REDIC1: variants seen among roughly 807,000 people sequenced by gnomAD.
The protein encoded by REDIC1 is regulator of DNA class I crossover intermediates 1.
the REDIC1 span, among the ~76,000 whole-genome samples, chr12:39,749,911 C>T: frequency 9.2e-5 from 14 of 152,138 alleles, no homozygotes; most frequent in South Asian, 2.1e-4. Flanking sequence ...ATTGATGGGA[C>T]GTATCTCAAA....
the REDIC1 span, chr12:39,830,318 C>A: frequency 6.6e-7 from 1 of 1,522,526 alleles, no homozygotes; most frequent in East Asian, 2.3e-5. Context: ...GCATTTTCCA[C>A]TCTCTTGTGC....
At chr12:39,712,025 T>G in the REDIC1 span, among the ~76,000 whole-genome samples, 1 of 20,124 alleles carries the variant, frequency 5.0e-5, no homozygotes, top group African/African-American at 1.1e-4. Flanking sequence ...TGTATGTATA[T>G]ATACATGTAT....
chr12:39,796,962 T>C, the REDIC1 span, among the ~76,000 whole-genome samples: 1 of 152,172 alleles, frequency 6.6e-6, no homozygotes, highest in African/African-American at 2.4e-5. Flanking sequence ...TTGCCAAATA[T>C]CCTATTAGAA....
chr12:39,902,605 G>C, the REDIC1 span, among the ~76,000 whole-genome samples: 9 of 152,102 alleles, frequency 5.9e-5, no homozygotes, highest in South Asian at 1.9e-3. Flanking sequence ...TCACAAAAGT[G>C]AAATCTAGAA....
chr12:39,814,676 T>C, the REDIC1 span, among the ~76,000 whole-genome samples: 1 of 152,206 alleles, frequency 6.6e-6, no homozygotes, highest in African/African-American at 2.4e-5. Flanking sequence ...GGTTATCTCA[T>C]ACAATTACGT....
At chr12:39,683,528 TATGATGC>T in the REDIC1 span, 1 of 1,404,006 alleles carries the variant, frequency 7.1e-7, no homozygotes, top group African/African-American at 1.4e-5. Context: ...CAGGATCTAG[TATGATGC>T]ATGATGAATG....
chr12:39,665,346 T>C, the REDIC1 span, among the ~76,000 whole-genome samples: 1 of 152,218 alleles, frequency 6.6e-6, no homozygotes, highest in Admixed American at 6.5e-5. Context: ...TCCCCATTTC[T>C]TGTTTTTGTC....
chr12:39,683,272 C>A, the REDIC1 span: 2 of 1,181,178 alleles, frequency 1.7e-6, no homozygotes, highest in South Asian at 1.5e-5. Context: ...GAAAATGAAA[C>A]CAAAAATAGA....
At chr12:39,886,226 A>G in the REDIC1 span, among the ~76,000 whole-genome samples, 8 of 152,202 alleles carry the variant, frequency 5.3e-5, no homozygotes, top group African/African-American at 7.2e-5. Flanking sequence ...GAGAGGTCTG[A>G]CACACAAATG....
chr12:39,855,642 T>G, the REDIC1 span, among the ~76,000 whole-genome samples: 2 of 152,256 alleles, frequency 1.3e-5, no homozygotes, highest in East Asian at 1.9e-4. Context: ...TCAAAAATGT[T>G]TATTAAAATA....
the REDIC1 span, among the ~76,000 whole-genome samples, chr12:39,903,382 G>T: frequency 6.6e-6 from 1 of 152,058 alleles, no homozygotes; most frequent in Non-Finnish European, 1.5e-5. Flanking sequence ...AAATTTATCA[G>T]GTAAACTAGT....
the REDIC1 span, among the ~76,000 whole-genome samples, chr12:39,877,946 C>T: frequency 6.6e-6 from 1 of 152,152 alleles, no homozygotes; most frequent in African/African-American, 2.4e-5. Flanking sequence ...GGTGCTAAAT[C>T]ATGAGATTTG....
the REDIC1 span, among the ~76,000 whole-genome samples, chr12:39,688,127 T>C: frequency 1.9e-4 from 29 of 152,354 alleles, no homozygotes; most frequent in South Asian, 2.3e-3. Flanking sequence ...CTCAAGATTA[T>C]ATTCTGTTAT....
At chr12:39,726,060 G>A in the REDIC1 span, among the ~76,000 whole-genome samples, 1 of 151,950 alleles carries the variant, frequency 6.6e-6, no homozygotes. Context: ...AAAACAACTT[G>A]TACCAGCAAA....
chr12:39,696,229 G>A, the REDIC1 span, among the ~76,000 whole-genome samples: 1 of 152,060 alleles, frequency 6.6e-6, no homozygotes, highest in Non-Finnish European at 1.5e-5. Context: ...CCAGGAAAGT[G>A]ACTTCACCAG....
the REDIC1 span, among the ~76,000 whole-genome samples, chr12:39,655,757 G>C: frequency 1.3e-5 from 2 of 152,136 alleles, no homozygotes; most frequent in Admixed American, 1.3e-4. Context: ...GGAGGGAAGG[G>C]ATAGCTCCAG....
At chr12:39,692,009 T>C in the REDIC1 span, 2 of 1,493,528 alleles carry the variant, frequency 1.3e-6, no homozygotes, top group Non-Finnish European at 1.8e-6. Context: ...AATATTATTA[T>C]GTATACTTAG....
At chr12:39,779,437 T>G in the REDIC1 span, among the ~76,000 whole-genome samples, 1 of 152,178 alleles carries the variant, frequency 6.6e-6, no homozygotes, top group Non-Finnish European at 1.5e-5. Flanking sequence ...TGACCCTCAC[T>G]AGATAGTAAA....
At chr12:39,906,776 C>T in the REDIC1 span, among the ~76,000 whole-genome samples, 3 of 151,870 alleles carry the variant, frequency 2.0e-5, no homozygotes, top group Admixed American at 6.6e-5. Context: ...AGGTCTTCTA[C>T]GATTATTTTA....
Sources: gnomAD v4.1 joint callset for allele counts (sites outside exome capture counted in the v4.1 genomes callset) on GRCh38, gnomAD v4.1.1 for gene constraint, MANE v1.5 for transcripts, NCBI Gene and HGNC (gene_info 2026-07-23, HGNC 2026-07-21) for gene names.